Variants in PMPCB observed in about 807,000 individuals in gnomAD.
PMPCB encodes mitochondrial-processing peptidase subunit beta.
A neutral mutation model predicts 61.5 loss-of-function variants in PMPCB; 46 were observed. That is an observed-to-expected ratio of 0.75 (90% CI 0.59 to 0.96). The LOEUF (loss-of-function observed/expected upper bound fraction) is 0.96. Among genes scored for constraint, PMPCB ranks in the 40% least tolerant of loss-of-function variants. The pLI, the probability that PMPCB is intolerant of heterozygous loss-of-function variation, is 0.00. For missense variants in PMPCB, 590 were observed against 602.4 expected (o/e 0.98, Z 0.22); for synonymous variants, 191 against 201.6 (o/e 0.95, Z 0.44).
At chr7:103,315,039 TG>T (rs904229658), downstream of PMPCB, among the ~76,000 whole-genome samples, 23 of 152,272 alleles carry the variant, frequency 1.5e-4, no homozygotes, top group Admixed American at 3.3e-4. Flanking sequence ...ACCCATATAA[TG>T]GGTGTAACAC....
chr7:103,337,053 G>C, the PMPCB span: 1 of 152,132 alleles, frequency 6.6e-6, no homozygotes, highest in East Asian at 1.9e-4. Flanking sequence ...CTCTAGAGTG[G>C]AGGGCAGAAC....
At position 103,314,555 on chromosome 7, in the gene PMPCB, ATACCTGTTG is replaced by A. The variant is rs1429182706; in HGVS notation, c.*2287_*2295del. 4 of 985,276 alleles carry A rather than the reference ATACCTGTTG, an allele frequency of 4.1e-6. No homozygotes were observed. Among genetic ancestry groups the A allele is most frequent in the Non-Finnish European group, 2.4e-6 (2 of 829,908 alleles). 61.0% of individuals were successfully genotyped at this position (985,276 alleles called of 1,614,324 possible). ...AGAAAGAGCTGAGACTAGTGTGCTA[ATACCTGTTG>A]TATTTTGTGGAGATAAAGGTGCAGG... On this transcript the variant is annotated 3_prime_UTR_variant, in exon 13 of 13. Coordinates refer to ENST00000249269, the MANE Select transcript of PMPCB (RefSeq NM_004279.3).
At chr7:103,309,716 A>G (rs141290394) in intron 8 of PMPCB, among the ~76,000 whole-genome samples, 1 of 152,356 alleles carries the variant, frequency 6.6e-6, no homozygotes, top group East Asian at 1.9e-4. Context: ...ATGTAAGAAC[A>G]TTAATTTCCT....
intron 12 of PMPCB, chr7:103,327,498 C>T: frequency 1.5e-6 from 1 of 680,172 alleles, no homozygotes; most frequent in South Asian, 1.8e-5. Flanking sequence ...TGTCGTGAGG[C>T]TCTGGGGTGA....
chr7:103,329,701 A>T (rs573338741), downstream of PMPCB, among the ~76,000 whole-genome samples: 476 of 152,312 alleles, frequency 3.1e-3, 4 homozygotes, highest in Middle Eastern at 6.8e-3. Flanking sequence ...AGTAAATTTT[A>T]CAAGGGCTTG....
Position 103,314,511 on chromosome 7 carries a change from A to C in PMPCB, c.*2240A>C. The C allele has an allele frequency of 2.0e-6, 2 of 985,356 alleles. No homozygotes were observed. The highest frequency in any genetic ancestry group is 2.4e-6 in the Non-Finnish European group (2 of 829,912). The allele number at this position is 985,356 out of a possible 1,614,324, so 61.0% of individuals were successfully genotyped here. A position where few individuals can be genotyped will look rare whatever the true frequency, so the allele number is the denominator to read the frequency against. On this transcript the variant is annotated 3_prime_UTR_variant, in exon 13 of 13. Coordinates refer to ENST00000249269, the MANE Select transcript of PMPCB (RefSeq NM_004279.3). ...ATATCAGGGCCCACCTCCCTCCAACATGGAAACAAGTCCCCCTAAGAAAGA... is the reference window on the plus strand; with the variant it reads ...ATATCAGGGCCCACCTCCCTCCAACCTGGAAACAAGTCCCCCTAAGAAAGA...
At chr7:103,307,735 T>C (rs755212196) in intron 7 of PMPCB, 27 bp downstream of exon 7, 2 of 1,274,484 alleles carry the variant, frequency 1.6e-6, no homozygotes, top group East Asian at 4.6e-5. Flanking sequence ...AGCTAGTATT[T>C]AGCCTTTTGG....
chr7:103,321,619 G>A (rs936241495), intron 12 of PMPCB, among the ~76,000 whole-genome samples: 5 of 151,230 alleles, frequency 3.3e-5, no homozygotes, highest in Admixed American at 2.0e-4. Flanking sequence ...AGGCCAAGGC[G>A]GGGAGATCAC....
downstream of PMPCB, chr7:103,315,619 T>C (rs1274152272): frequency 3.5e-6 from 2 of 572,182 alleles, no homozygotes; most frequent in East Asian, 5.7e-5. Context: ...AAGTAAATCT[T>C]TGCCCTGGAA....
At chr7:103,328,893 G>GT in intron 12 of PMPCB, 1 of 620,200 alleles carries the variant, frequency 1.6e-6, no homozygotes, top group Non-Finnish European at 2.4e-6. Flanking sequence ...AATTTTAAAT[G>GT]TAAGTGTTTT....
At chr7:103,347,058 T>C in the PMPCB span, among the ~76,000 whole-genome samples, 1 of 152,246 alleles carries the variant, frequency 6.6e-6, no homozygotes, top group Admixed American at 6.5e-5. Flanking sequence ...TTTAATTTCC[T>C]GAGGAATCAA....
At position 103,298,802 on chromosome 7, in the gene PMPCB, C is replaced by G. The variant is rs144298152; in HGVS notation, c.240+94C>G. On this transcript the variant is annotated intron_variant, in intron 2 of 12. Transcript: ENST00000249269. The stretch of plus-strand genomic sequence containing the variant: ...TTAGCTTTTTCGTTGGCTGGTGGTT[C>G]AAAAAGGGTGACAGTTATTTTGCCT... 8.1e-4 allele frequency: 960 copies of G among 1,178,210 alleles called. 5 individuals carry two copies. The African/African-American group carries it at 0.014, about 17-fold the overall frequency. 73.0% of individuals were successfully genotyped at this position (1,178,210 alleles called of 1,614,324 possible).
At chr7:103,340,568 C>T in the PMPCB span, among the ~76,000 whole-genome samples, 1 of 152,192 alleles carries the variant, frequency 6.6e-6, no homozygotes, top group Admixed American at 6.5e-5. Flanking sequence ...AACAATCTCA[C>T]TGTAGCAACA....
chr7:103,304,929 A>T (rs1280712093), intron 6 of PMPCB, among the ~76,000 whole-genome samples: 1 of 152,002 alleles, frequency 6.6e-6, no homozygotes, highest in Non-Finnish European at 1.5e-5. Context: ...ACTGCACTCC[A>T]GCGTGGGCGA....
At chr7:103,297,867 A>C in intron 1 of PMPCB, 1 of 1,449,800 alleles carries the variant, frequency 6.9e-7, no homozygotes, top group Non-Finnish European at 9.1e-7. Flanking sequence ...CTAAAAAGTG[A>C]AATGGGTACC....
intron 5 of PMPCB, 122 bp from the exon 6 acceptor site, chr7:103,304,289 C>T: frequency 1.4e-6 from 1 of 693,736 alleles, no homozygotes; most frequent in Non-Finnish European, 2.5e-6. Context: ...GATGTGTTGC[C>T]TGTATCCTAT....
intron 12 of PMPCB, among the ~76,000 whole-genome samples, chr7:103,323,941 T>C (rs1411315859): frequency 6.6e-6 from 1 of 152,222 alleles, no homozygotes; most frequent in African/African-American, 2.4e-5. Context: ...TTGCCTTCAA[T>C]TTCGCTAGTC....
At chr7:103,299,282 T>A (rs1817382731) in intron 2 of PMPCB, among the ~76,000 whole-genome samples, 161 bp from the exon 3 acceptor site, 1 of 152,216 alleles carries the variant, frequency 6.6e-6, no homozygotes, top group Non-Finnish European at 1.5e-5. Context: ...TCGAAATTTT[T>A]AAATCTCATA....
At chr7:103,310,549 A>G in intron 9 of PMPCB, 74 bp downstream of exon 9, 2 of 1,107,554 alleles carry the variant, frequency 1.8e-6, no homozygotes, top group Non-Finnish European at 2.6e-6. Flanking sequence ...TTTATACTTT[A>G]TGGTGATTTA....
Sources: gnomAD v4.1 joint callset for allele counts (sites outside exome capture counted in the v4.1 genomes callset) on GRCh38, gnomAD v4.1.1 for gene constraint, MANE v1.5 for transcripts, NCBI Gene and HGNC (gene_info 2026-07-23, HGNC 2026-07-21) for gene names.